C4orf50: variants seen among roughly 807,000 people sequenced by gnomAD.
C4orf50 encodes the protein chromosome 4 open reading frame 50.
In C4orf50, 80 loss-of-function variants were observed where a neutral mutation model predicts 77.2. The ratio of observed to expected loss-of-function variants is 1.04; its 90% confidence interval spans 0.87 to 1.25. C4orf50 has a LOEUF of 1.25. Among genes scored for constraint, C4orf50 ranks in the 50% most tolerant of loss-of-function variants. The pLI is 0.00. For synonymous variants in C4orf50, 532 were observed against 465.3 expected, an observed-to-expected ratio of 1.14 and a Z score of -1.84; for missense variants, 1,257 against 1,152.9, an observed-to-expected ratio of 1.09 and a Z score of -1.31.
At chr4:5,959,275 A>G in exon 34 of C4orf50, 1 of 1,360,914 alleles carries the variant, frequency 7.3e-7, no homozygotes. Flanking sequence ...CCACTAAATG[A>G]GGGCTCTGAT....
chr4:5,992,841 C>T lies in C4orf50; in HGVS notation c.1183G>A (p.Glu395Lys), dbSNP rs1043886502. Residue 395 changes from glutamate to lysine, a missense_variant, in exon 27 of 34, where the codon GAG becomes AAG. Glu to Lys is a moderately conservative substitution (Grantham distance 56). Transcript: ENST00000531445. This position sits in a 1 kb window ranked among gnomAD's most constrained non-coding sequence, Gnocchi z 5.0. ...GATCCGGCCAGGTCTCTGGGGAGCT[C>T]GCTTGTGGTCTCCGGGCCTGGAGCC... is the stretch of plus-strand genomic sequence containing the variant. 4.3e-5 allele frequency: 17 copies of T among 398,988 alleles called. No individual in the cohort carries two copies. Among genetic ancestry groups the T allele is most frequent in the Middle Eastern group, 6.2e-4 (1 of 1,610 alleles). The allele number at this position is 398,988 out of a possible 1,614,324, so 24.7% of individuals were successfully genotyped here. A position where few individuals can be genotyped will look rare whatever the true frequency, so the allele number is the denominator to read the frequency against.
chr4:5,917,647 C>T (rs1717088953), intron 7 of C4orf50, among the ~76,000 whole-genome samples: 1 of 152,040 alleles, frequency 6.6e-6, no homozygotes, highest in Non-Finnish European at 1.5e-5. Flanking sequence ...CTCTTGACCT[C>T]GTGATCCGCT....
At chr4:5,980,019 T>G (rs538427482) in intron 29 of C4orf50, among the ~76,000 whole-genome samples, 155 bp downstream of exon 7, 2 of 152,320 alleles carry the variant, frequency 1.3e-5, no homozygotes, top group South Asian at 2.1e-4. Context: ...TTTGTTGTTT[T>G]TTTTTTCCTG....
intron 33 of C4orf50, among the ~76,000 whole-genome samples, chr4:5,961,062 C>G (rs115981160): frequency 6.6e-6 from 1 of 152,170 alleles, no homozygotes; most frequent in African/African-American, 2.4e-5. Flanking sequence ...AGGACAAGGA[C>G]AAGGAACTGA....
intron 7 of C4orf50, among the ~76,000 whole-genome samples, chr4:5,925,498 T>C (rs1342231103): frequency 2.0e-5 from 3 of 152,222 alleles, no homozygotes; most frequent in Non-Finnish European, 2.9e-5. Context: ...GGGAGGACGG[T>C]ACCAGTGGAC....
intron 28 of C4orf50, among the ~76,000 whole-genome samples, chr4:5,986,924 T>A (rs541373685): frequency 3.9e-5 from 6 of 152,284 alleles, no homozygotes; most frequent in African/African-American, 1.4e-4. Flanking sequence ...TACATATTCC[T>A]TACCTCTAAT....
At chr4:5,972,594 G>A (rs1376106632) in intron 31 of C4orf50, among the ~76,000 whole-genome samples, 2 of 152,230 alleles carry the variant, frequency 1.3e-5, no homozygotes, top group Non-Finnish European at 2.9e-5. Context: ...TCTCAAGGCT[G>A]TGAGGAAAAG....
At chr4:5,924,006 C>T (rs1193305978) in intron 7 of C4orf50, among the ~76,000 whole-genome samples, 1 of 152,172 alleles carries the variant, frequency 6.6e-6, no homozygotes, top group Non-Finnish European at 1.5e-5. Context: ...CGCTCCTGAA[C>T]ATTAGGCTCC....
chr4:5,965,787 C>G (rs1719533042), intron 32 of C4orf50, among the ~76,000 whole-genome samples: 1 of 152,160 alleles, frequency 6.6e-6, no homozygotes, highest in Non-Finnish European at 1.5e-5. Flanking sequence ...CTGCTATGTG[C>G]CAGGGTCCAG....
At chr4:5,967,671 G>A (rs199818327) in intron 31 of C4orf50, among the ~76,000 whole-genome samples, 2 of 152,146 alleles carry the variant, frequency 1.3e-5, no homozygotes, top group East Asian at 3.8e-4. Context: ...TTTGCTCTTA[G>A]GAAACATGGG....
At chr4:5,962,224 A>T (rs80325045) in intron 33 of C4orf50, among the ~76,000 whole-genome samples, 1,778 of 152,312 alleles carry the variant, frequency 0.012, 9 homozygotes, top group Non-Finnish European at 0.017. Context: ...AAAACATGGG[A>T]AAAACATTTA....
chr4:5,991,336 G>A (rs60847666), intron 27 of C4orf50, among the ~76,000 whole-genome samples: 26,626 of 152,186 alleles, frequency 0.17, 2,522 homozygotes, highest in Non-Finnish European at 0.2. Flanking sequence ...CGTGGCTACT[G>A]TCTTGGGCAG....
In C4orf50 at chr4:5,970,681, T is replaced by C. The variant is rs1719858739; in HGVS notation, c.4104+2978A>G. ...GAAAAGAAAATGGAAATACAAAGAC[T>C]CAGTCACGTGCAGGGAGGGGAGGTG... On this transcript the variant is annotated intron_variant, in intron 31 of 33. Coordinates refer to ENST00000531445, the Ensembl canonical transcript of C4orf50. The surrounding 1 kb of genome is among the most constrained non-coding windows in gnomAD (Gnocchi z 4.3). Among the ~76,000 whole-genome samples the C allele has an allele frequency of 6.6e-6, 1 of 152,042 alleles. No individual in the cohort carries two copies. The highest frequency in any genetic ancestry group is 2.4e-5 in the African/African-American group (1 of 41,396).
At chr4:5,907,339 C>G (rs979824430) in intron 7 of C4orf50, among the ~76,000 whole-genome samples, 19 of 152,108 alleles carry the variant, frequency 1.2e-4, no homozygotes, top group African/African-American at 4.3e-4. Flanking sequence ...ATGCTAATTT[C>G]TGATAAAGTT....
intron 7 of C4orf50, chr4:5,899,982 C>G (rs568743377): frequency 1.6e-4 from 24 of 152,308 alleles, no homozygotes; most frequent in African/African-American, 5.5e-4. Context: ...GCCTGGACTC[C>G]CAGCCCAGAG....
chr4:5,931,170 G>A (rs1717752519), intron 7 of C4orf50, among the ~76,000 whole-genome samples: 1 of 152,136 alleles, frequency 6.6e-6, no homozygotes, highest in African/African-American at 2.4e-5. Flanking sequence ...GCTGAAAACA[G>A]CCCCTGCAAA....
chr4:5,909,046 C>G (rs1000413179), intron 7 of C4orf50, among the ~76,000 whole-genome samples: 4 of 152,196 alleles, frequency 2.6e-5, no homozygotes, highest in African/African-American at 9.7e-5. Context: ...CTCTACACAG[C>G]AGCCAGAATT....
chr4:6,014,733 C>T (rs139116140), intron 23 of C4orf50, among the ~76,000 whole-genome samples: 10 of 152,214 alleles, frequency 6.6e-5, no homozygotes, highest in African/African-American at 2.2e-4. Context: ...ATGATGTCAC[C>T]CCATGCATCA....
intron 7 of C4orf50, among the ~76,000 whole-genome samples, chr4:5,918,364 G>A (rs188387062): frequency 1.3e-5 from 2 of 152,308 alleles, no homozygotes; most frequent in East Asian, 3.9e-4. Context: ...CAGTGCTGCT[G>A]GAATTCAAAC....
Sources: allele counts gnomAD v4.1 joint callset (sites outside exome capture counted in the v4.1 genomes callset), GRCh38; gene constraint gnomAD v4.1.1; non-coding constraint Gnocchi (gnomAD v3.1); transcripts MANE v1.5; gene names NCBI Gene and HGNC (gene_info 2026-07-23, HGNC 2026-07-21).